SSU72L3: variants seen among roughly 807,000 people sequenced by gnomAD.
SSU72L3 encodes the protein RNA polymerase II subunit A C-terminal domain phosphatase SSU72 like protein 3.
At chr11:4,330,756 C>G in the SSU72L3 span, among the ~76,000 whole-genome samples, 10 of 152,292 alleles carry the variant, frequency 6.6e-5, no homozygotes, top group African/African-American at 2.2e-4. Flanking sequence ...TCCAGATAAG[C>G]AAACCGAGCT....
At chr11:4,330,809 G>T in the SSU72L3 span, among the ~76,000 whole-genome samples, 1 of 152,126 alleles carries the variant, frequency 6.6e-6, no homozygotes, top group Admixed American at 6.6e-5. Context: ...AGGGTATTCA[G>T]CAGATAAATA....
the SSU72L3 span, chr11:4,330,402 G>A: frequency 9.4e-6 from 7 of 747,070 alleles, no homozygotes; most frequent in African/African-American, 3.4e-5. Context: ...GTTGCAAATG[G>A]AGGAGAAGGC....
At chr11:4,329,816 T>G in the SSU72L3 span, 1 of 628,968 alleles carries the variant, frequency 1.6e-6, no homozygotes. Flanking sequence ...TCCGAGTCCC[T>G]GCAGCAACTG....
chr11:4,330,396 C>G, the SSU72L3 span: 1 of 752,814 alleles, frequency 1.3e-6, no homozygotes, highest in Admixed American at 1.8e-5. Flanking sequence ...GCTGCTGTTG[C>G]AAATGGAGGA....
the SSU72L3 span, chr11:4,330,136 T>C: frequency 1.3e-6 from 1 of 749,644 alleles, no homozygotes; most frequent in Non-Finnish European, 2.5e-6. Flanking sequence ...AATGAGAGAA[T>C]CAAGCCCGGT....
chr11:4,329,937 A>T, the SSU72L3 span: 2 of 733,936 alleles, frequency 2.7e-6, no homozygotes, highest in Non-Finnish European at 5.0e-6. Context: ...GGCCCACAGC[A>T]TCCTCAGGAG....
chr11:4,330,848 A>C, the SSU72L3 span, among the ~76,000 whole-genome samples: 1 of 152,118 alleles, frequency 6.6e-6, no homozygotes, highest in Non-Finnish European at 1.5e-5. Context: ...CCTTTTAAAT[A>C]AACTTCCTTT....
chr11:4,329,927 G>A, the SSU72L3 span: 3 of 733,460 alleles, frequency 4.1e-6, no homozygotes, highest in Non-Finnish European at 5.0e-6. Flanking sequence ...GGAGCATGGA[G>A]GCCCACAGCA....
the SSU72L3 span, chr11:4,329,867 G>A: frequency 1.4e-6 from 1 of 713,662 alleles, no homozygotes; most frequent in Non-Finnish European, 2.6e-6. Context: ...CCACCATCAT[G>A]CTCTCCTCCC....
At chr11:4,329,866 T>A in the SSU72L3 span, 25 of 712,762 alleles carry the variant, frequency 3.5e-5, no homozygotes, top group Middle Eastern at 3.8e-4. Flanking sequence ...GCCACCATCA[T>A]GCTCTCCTCC....
the SSU72L3 span, chr11:4,330,356 G>C: frequency 7.9e-6 from 6 of 760,614 alleles, no homozygotes; most frequent in Non-Finnish European, 1.2e-5. Context: ...GCCTGCAGCA[G>C]TCAGACGACA....
the SSU72L3 span, chr11:4,330,088 G>T: frequency 1.3e-6 from 1 of 768,062 alleles, no homozygotes; most frequent in Non-Finnish European, 2.4e-6. Flanking sequence ...GATAGAGAAC[G>T]CTACACCCGC....
the SSU72L3 span, chr11:4,330,185 C>G: frequency 4.1e-6 from 3 of 738,156 alleles, no homozygotes; most frequent in East Asian, 7.3e-5. Context: ...CCTTTGATGT[C>G]ATCTTCACCT....
chr11:4,329,993 G>A, the SSU72L3 span: 48 of 766,940 alleles, frequency 6.3e-5, 1 homozygote, highest in Middle Eastern at 1.7e-3. Flanking sequence ...CTCATGTGAG[G>A]CTACCAGGAC....
the SSU72L3 span, among the ~76,000 whole-genome samples, chr11:4,330,740 C>T: frequency 1.3e-5 from 2 of 152,164 alleles, no homozygotes; most frequent in South Asian, 2.1e-4. Context: ...CACCATGACG[C>T]CATTTTCCAG....
chr11:4,330,307 C>T, the SSU72L3 span: 85 of 760,012 alleles, frequency 1.1e-4, no homozygotes, highest in African/African-American at 1.3e-3. Flanking sequence ...CTGGAAGATG[C>T]CACCCTGGGA....
At chr11:4,330,147 C>A in the SSU72L3 span, 2 of 750,736 alleles carry the variant, frequency 2.7e-6, no homozygotes, top group South Asian at 2.9e-5. Context: ...CAAGCCCGGT[C>A]CAGAAAGATT....
chr11:4,330,802 G>T, the SSU72L3 span, among the ~76,000 whole-genome samples: 1 of 152,108 alleles, frequency 6.6e-6, no homozygotes, highest in East Asian at 1.9e-4. Context: ...TTGTTTAAGG[G>T]TATTCAGCAG....
At chr11:4,330,209 C>T in the SSU72L3 span, 2 of 738,692 alleles carry the variant, frequency 2.7e-6, no homozygotes, top group South Asian at 3.0e-5. Flanking sequence ...AGGAGAGTGT[C>T]TATGACACAG....
Sources: gnomAD v4.1 joint callset for allele counts (sites outside exome capture counted in the v4.1 genomes callset) on GRCh38, gnomAD v4.1.1 for gene constraint, MANE v1.5 for transcripts, NCBI Gene and HGNC (gene_info 2026-07-23, HGNC 2026-07-21) for gene names.